PDE1C: variants seen among roughly 807,000 people sequenced by gnomAD.
PDE1C encodes dual specificity calcium/calmodulin-dependent 3',5'-cyclic nucleotide phosphodiesterase 1C.
Under a neutral mutation model 93.1 loss-of-function variants are expected in PDE1C, and 62 were observed. The ratio of observed to expected loss-of-function variants is 0.67; its 90% CI spans 0.54 to 0.82. The LOEUF (loss-of-function observed/expected upper bound fraction) is 0.82, where lower values mean the gene tolerates loss of function less well. Among genes scored for constraint, PDE1C ranks in the 40% least tolerant of loss-of-function variants. PDE1C has a pLI of 0.00. For synonymous variants in PDE1C, 325 were observed against 310.1 expected (o/e 1.05, Z -0.50); for missense variants, 742 against 884.6 (o/e 0.84, Z 2.04).
the PDE1C span, among the ~76,000 whole-genome samples, chr7:31,622,953 T>G: frequency 6.6e-6 from 1 of 152,160 alleles, no homozygotes; most frequent in Admixed American, 6.6e-5. Flanking sequence ...AAATACAAAC[T>G]AGCATCAGAG....
intron 2 of PDE1C, among the ~76,000 whole-genome samples, chr7:31,971,045 G>A (rs1184050570): frequency 6.6e-6 from 1 of 152,204 alleles, no homozygotes; most frequent in Non-Finnish European, 1.5e-5. Flanking sequence ...CAGGGGCTGA[G>A]GTAGGAGAAT....
At chr7:32,101,227 C>T (rs73689031) in intron 3 of PDE1C, among the ~76,000 whole-genome samples, 1,846 of 152,292 alleles carry the variant, frequency 0.012, 36 homozygotes, top group African/African-American at 0.042. Context: ...ATTCCCCACA[C>T]GTGGCCTTAA....
At chr7:31,707,122 C>T in the PDE1C span, 2 of 1,319,788 alleles carry the variant, frequency 1.5e-6, no homozygotes, top group South Asian at 1.3e-5. Context: ...TTGCCATGCT[C>T]CTTTGTACTG....
Position 32,420,252 on chromosome 7 carries a change from T to TAC in PDE1C, c.310+7568_310+7569dup, listed in dbSNP as rs551511077. Among the ~76,000 whole-genome samples the TAC allele has an allele frequency of 3.5e-4, 14 of 40,240 alleles. 1 individual carries two copies. Among genetic ancestry groups the TAC allele is most frequent in the African/African-American group, 1.2e-3 (14 of 11,664 alleles). The allele number at this position is 40,240 out of a possible 152,430, so 26.4% of individuals were successfully genotyped here. ...ATATGTATATATATGTGTATATATATACATGTGTATATATATGTGTATATA... is the reference window on the plus strand; with the variant it reads ...ATATGTATATATATGTGTATATATATACACATGTGTATATATATGTGTATATA... On this transcript the variant is annotated intron_variant, in intron 1 of 1. Transcript: ENST00000672256.
intron 1 of PDE1C, among the ~76,000 whole-genome samples, chr7:32,308,180 G>C (rs563113954): frequency 6.6e-6 from 1 of 152,370 alleles, no homozygotes; most frequent in Admixed American, 6.5e-5. Context: ...AGCAAGGCTG[G>C]GGGAGGGGCG....
intron 17 of PDE1C, among the ~76,000 whole-genome samples, chr7:31,754,059 A>G (rs1480839872): frequency 2.9e-5 from 4 of 139,620 alleles, no homozygotes; most frequent in African/African-American, 1.3e-4. Context: ...GCTCAAGAAA[A>G]AGAAACAACC....
At chr7:31,697,732 T>A in the PDE1C span, among the ~76,000 whole-genome samples, 1 of 152,166 alleles carries the variant, frequency 6.6e-6, no homozygotes, top group South Asian at 2.1e-4. Flanking sequence ...ATTGTTGTGT[T>A]GGGGAAGTGA....
chr7:31,975,446 A>G (rs1811540878), intron 2 of PDE1C, among the ~76,000 whole-genome samples: 1 of 152,168 alleles, frequency 6.6e-6, no homozygotes, highest in South Asian at 2.1e-4. Flanking sequence ...GAGTGTATTG[A>G]GACTAACAAG....
chr7:32,359,502 T>C (rs1784094142), intron 1 of PDE1C, among the ~76,000 whole-genome samples: 1 of 152,214 alleles, frequency 6.6e-6, no homozygotes, highest in African/African-American at 2.4e-5. Context: ...GCCTGCCTTG[T>C]TGCCTCTATG....
chr7:31,622,871 AAAG>A, the PDE1C span, among the ~76,000 whole-genome samples: 3 of 152,214 alleles, frequency 2.0e-5, no homozygotes, highest in Admixed American at 6.5e-5. Context: ...CAAGACTAAT[AAAG>A]AAGAAAAGAG....
chr7:31,642,691 T>G, the PDE1C span: 2 of 1,613,248 alleles, frequency 1.2e-6, no homozygotes, highest in East Asian at 4.5e-5. Flanking sequence ...GATGCCTTCC[T>G]TGCCAAACAG....
At chr7:32,224,081 T>C (rs907045416) in intron 1 of PDE1C, among the ~76,000 whole-genome samples, 10 of 152,192 alleles carry the variant, frequency 6.6e-5, no homozygotes, top group Non-Finnish European at 4.4e-5. Flanking sequence ...AATGTAAAGA[T>C]GGCAGGCTTG....
At chr7:32,157,097 C>A (rs1189321221) in intron 3 of PDE1C, among the ~76,000 whole-genome samples, 1 of 152,154 alleles carries the variant, frequency 6.6e-6, no homozygotes, top group East Asian at 1.9e-4. Flanking sequence ...ACATTCTGCA[C>A]AACAAAACAC....
At chr7:31,636,424 T>C in the PDE1C span, among the ~76,000 whole-genome samples, 1 of 152,206 alleles carries the variant, frequency 6.6e-6, no homozygotes, top group Non-Finnish European at 1.5e-5. Context: ...TTCGAGATTG[T>C]TTGAAAAGTT....
chr7:32,327,180 C>T lies in PDE1C; in HGVS notation c.310+100642G>A, dbSNP rs137998187. ...ACTGCCTCGACTGCTATTGTCTTTA[C>T]CCAAGTCAAATGTATTTTTCTGTGA... On this transcript the variant is annotated intron_variant, in intron 1 of 1. Transcript: ENST00000672256. 1.2e-3 allele frequency among the ~76,000 whole-genome samples: 190 copies of T among 152,302 alleles called. 1 individual carries two copies. Among genetic ancestry groups the T allele is most frequent in the African/African-American group, 4.5e-3 (185 of 41,554 alleles).
intron 2 of PDE1C, among the ~76,000 whole-genome samples, chr7:31,952,714 G>A (rs1269414800): frequency 6.6e-6 from 1 of 152,158 alleles, no homozygotes; most frequent in Non-Finnish European, 1.5e-5. Flanking sequence ...ATACCTGCTT[G>A]TCACATTGCA....
chr7:31,838,675 G>A (rs1791424908), intron 9 of PDE1C, among the ~76,000 whole-genome samples: 2 of 152,076 alleles, frequency 1.3e-5, no homozygotes, highest in African/African-American at 2.4e-5. Context: ...GTGCTCCTTC[G>A]ATTCACCCCT....
At chr7:32,415,361 G>T (rs1166050388) in intron 1 of PDE1C, among the ~76,000 whole-genome samples, 1 of 152,168 alleles carries the variant, frequency 6.6e-6, no homozygotes, top group Non-Finnish European at 1.5e-5. Context: ...TGAGGCAGGA[G>T]AATAGCTTGA....
At chr7:31,835,522 TGCG>T (rs1790957478) in intron 11 of PDE1C, among the ~76,000 whole-genome samples, 1 of 70,926 alleles carries the variant, frequency 1.4e-5, no homozygotes, top group South Asian at 6.0e-4. Context: ...TGGGGGGTGC[TGCG>T]GTGTGTGTGT....
Sources: allele counts gnomAD v4.1 joint callset (sites outside exome capture counted in the v4.1 genomes callset), GRCh38; gene constraint gnomAD v4.1.1; transcripts MANE v1.5; gene names NCBI Gene and HGNC (gene_info 2026-07-23, HGNC 2026-07-21).